AK9: variants seen among roughly 807,000 people sequenced by gnomAD.
AK9 encodes adenylate kinase 9.
AK9 carries 191 observed loss-of-function variants against 239.6 expected under a neutral mutation model. The observed-to-expected ratio is 0.80, with a 90% CI of 0.71 to 0.90. The LOEUF is 0.90. Ranked by LOEUF, AK9 falls within the 40% of genes least tolerant of loss-of-function variation. The probability of loss-of-function intolerance (pLI) is 0.00; values close to 1 mark genes in which losing one functional copy is unlikely to be tolerated. For missense variants in AK9, 1,995 were observed against 2,214.7 expected (o/e 0.90, Z 1.99); for synonymous variants, 689 against 721.0 (o/e 0.96, Z 0.71).
At chr6:109,547,504 G>GA (rs1783716406) in intron 25 of AK9, among the ~76,000 whole-genome samples, 1 of 152,098 alleles carries the variant, frequency 6.6e-6, no homozygotes, top group Admixed American at 6.6e-5. Flanking sequence ...GCAGAAGAAT[G>GA]AAACTAGATC....
At chr6:109,626,976 CTTA>C (rs1357516843) in intron 12 of AK9, among the ~76,000 whole-genome samples, 3 of 152,140 alleles carry the variant, frequency 2.0e-5, no homozygotes, top group Non-Finnish European at 4.4e-5. Context: ...TTAACCTTGT[CTTA>C]TTATAGCTTT....
intron 27 of AK9, among the ~76,000 whole-genome samples, chr6:109,540,414 A>G (rs766893378): frequency 4.6e-5 from 7 of 152,228 alleles, no homozygotes; most frequent in Non-Finnish European, 1.0e-4. Flanking sequence ...GGCACAGGAT[A>G]CAATCTCCTG....
intron 17 of AK9, among the ~76,000 whole-genome samples, chr6:109,599,417 C>G (rs1256608745): frequency 1.3e-5 from 2 of 152,104 alleles, no homozygotes; most frequent in Non-Finnish European, 2.9e-5. Flanking sequence ...GGGCTCTGTT[C>G]TGTTCCATTG....
At chr6:109,570,922 G>A (rs1787333872) in intron 21 of AK9, among the ~76,000 whole-genome samples, 1 of 152,102 alleles carries the variant, frequency 6.6e-6, no homozygotes, top group Non-Finnish European at 1.5e-5. Flanking sequence ...GAGCACCCCT[G>A]TAGGAAAAGA....
chr6:109,532,112 AT>A, intron 28 of AK9, among the ~76,000 whole-genome samples: 1 of 152,334 alleles, frequency 6.6e-6, no homozygotes, highest in Non-Finnish European at 1.5e-5. Context: ...GTATTACATA[AT>A]TTAAGTCTTA....
intron 7 of AK9, among the ~76,000 whole-genome samples, chr6:109,658,631 A>C (rs192748761): frequency 6.6e-6 from 1 of 152,314 alleles, no homozygotes; most frequent in Non-Finnish European, 1.5e-5. Context: ...CAGAATGTTT[A>C]TGTTGATTGT....
intron 5 of AK9, among the ~76,000 whole-genome samples, chr6:109,664,948 G>A (rs1419280363): frequency 6.6e-6 from 1 of 152,040 alleles, no homozygotes; most frequent in African/African-American, 2.4e-5. Context: ...GCTGAGGCAG[G>A]AGAATCGCTT....
At chr6:109,556,647 A>C (rs1036687284) in intron 24 of AK9, among the ~76,000 whole-genome samples, 2 of 151,870 alleles carry the variant, frequency 1.3e-5, no homozygotes, top group Admixed American at 6.6e-5. Flanking sequence ...TACTCTAATC[A>C]ATTGTAGGTT....
intron 1 of AK9, among the ~76,000 whole-genome samples, chr6:109,686,768 CCTGGT>C (rs1773566845): frequency 6.6e-6 from 1 of 152,162 alleles, no homozygotes; most frequent in South Asian, 2.1e-4. Flanking sequence ...AGAATGAATG[CCTGGT>C]CATGGGATAT....
At chr6:109,608,639 G>A (rs1436935056) in intron 17 of AK9, among the ~76,000 whole-genome samples, 1 of 152,134 alleles carries the variant, frequency 6.6e-6, no homozygotes, top group Non-Finnish European at 1.5e-5. Flanking sequence ...AAACCTAGGA[G>A]AATATCTTCC....
chr6:109,517,224 G>A (rs1779370132), intron 29 of AK9, among the ~76,000 whole-genome samples: 1 of 152,134 alleles, frequency 6.6e-6, no homozygotes, highest in Non-Finnish European at 1.5e-5. Flanking sequence ...AACGTTCAGT[G>A]TGTATCTCTA....
chr6:109,520,497 T>C (rs1779736367), intron 29 of AK9, among the ~76,000 whole-genome samples: 1 of 152,144 alleles, frequency 6.6e-6, no homozygotes, highest in African/African-American at 2.4e-5. Context: ...TTTGTACTGG[T>C]ATCATGCTGT....
Position 109,668,726 on chromosome 6 carries a change from C to T in AK9, c.331+3193G>A, listed in dbSNP as rs1801631641. Among the ~76,000 whole-genome samples, 2 of 90,148 alleles carry T rather than the reference C, an allele frequency of 2.2e-5. 1 individual carries two copies. Among genetic ancestry groups the T allele is most frequent in the Non-Finnish European group, 5.1e-5 (2 of 39,292 alleles). The allele number at this position is 90,148 out of a possible 152,430, so 59.1% of individuals were successfully genotyped here. ...TAGTTGTAGATCTGCGGCATTATTT[C>T]TGAGGCCTCTGTTCTGTTCCATTGG... On this transcript the variant is annotated intron_variant, in intron 5 of 40. Transcript: ENST00000424296.
At chr6:109,574,906 T>G (rs918589681) in intron 20 of AK9, among the ~76,000 whole-genome samples, 1 of 152,188 alleles carries the variant, frequency 6.6e-6, no homozygotes, top group Non-Finnish European at 1.5e-5. Context: ...ATCATTCTTA[T>G]GCCTTTGTGC....
chr6:109,526,179 A>G (rs1246437967), intron 29 of AK9, among the ~76,000 whole-genome samples: 1 of 152,092 alleles, frequency 6.6e-6, no homozygotes, highest in Non-Finnish European at 1.5e-5. Context: ...CTACCTATTG[A>G]GTACTATGCT....
At chr6:109,559,864 C>T (rs1785522068) in intron 24 of AK9, among the ~76,000 whole-genome samples, 2 of 152,140 alleles carry the variant, frequency 1.3e-5, no homozygotes, top group Admixed American at 6.5e-5. Flanking sequence ...TTTTATGGGG[C>T]TACTGTGAAT....
At chr6:109,691,000 G>T in intron 1 of AK9, 147 bp downstream of exon 1, 1 of 208,536 alleles carries the variant, frequency 4.8e-6, no homozygotes, top group South Asian at 8.0e-5. Context: ...GAAAACACAA[G>T]GATCTATCCT....
intron 1 of AK9, among the ~76,000 whole-genome samples, chr6:109,685,021 A>G (rs1773299445): frequency 6.8e-6 from 1 of 146,048 alleles, no homozygotes; most frequent in Non-Finnish European, 1.5e-5. Context: ...ACGCAAAACC[A>G]CAATGAGATA....
intron 35 of AK9, among the ~76,000 whole-genome samples, chr6:109,503,213 A>G (rs151210736): frequency 3.9e-5 from 6 of 152,114 alleles, no homozygotes; most frequent in African/African-American, 1.4e-4. Context: ...GTATTATAAT[A>G]CAAAGTATTA....
Sources: gnomAD v4.1 joint callset for allele counts (sites outside exome capture counted in the v4.1 genomes callset) on GRCh38, gnomAD v4.1.1 for gene constraint, MANE v1.5 for transcripts, NCBI Gene and HGNC (gene_info 2026-07-23, HGNC 2026-07-21) for gene names.